The following PCSK2 variants were observed in gnomAD, a reference collection of about 807,000 sequenced individuals.
PCSK2 encodes neuroendocrine convertase 2.
PCSK2 carries 14 observed loss-of-function variants against 69.7 expected under a neutral mutation model. That is an observed-to-expected ratio of 0.20 (90% CI 0.13 to 0.31). The LOEUF (loss-of-function observed/expected upper bound fraction) is 0.31. Among genes scored for constraint, PCSK2 ranks in the 10% least tolerant of loss-of-function variants. The pLI is 1.00. For synonymous variants in PCSK2, 307 were observed against 320.7 expected, an observed-to-expected ratio of 0.96 and a Z score of 0.46; for missense variants, 544 against 842.5, an observed-to-expected ratio of 0.65 and a Z score of 4.39.
intron 2 of PCSK2, among the ~76,000 whole-genome samples, chr20:17,260,794 A>T (rs1451082963): frequency 6.6e-6 from 1 of 152,224 alleles, no homozygotes; most frequent in Non-Finnish European, 1.5e-5. Context: ...AGCAGCTCAC[A>T]GCAGGCAGTG....
chr20:17,270,311 G>A (rs1408297904), intron 2 of PCSK2, among the ~76,000 whole-genome samples: 1 of 152,030 alleles, frequency 6.6e-6, no homozygotes, highest in African/African-American at 2.4e-5. Context: ...TCTATAAACA[G>A]GTTTCACGGT....
intron 2 of PCSK2, among the ~76,000 whole-genome samples, chr20:17,324,791 G>A (rs943900996): frequency 6.6e-6 from 1 of 152,120 alleles, no homozygotes; most frequent in Non-Finnish European, 1.5e-5. Context: ...CATGGAGAAA[G>A]GTCTCTTCCC....
intron 6 of PCSK2, among the ~76,000 whole-genome samples, chr20:17,428,998 A>C: frequency 4.1e-5 from 1 of 24,304 alleles, no homozygotes; most frequent in African/African-American, 8.6e-5. Context: ...ACTCTGTCTC[A>C]AAAAAAAAAA....
intron 11 of PCSK2, among the ~76,000 whole-genome samples, chr20:17,480,548 C>T (rs6136111): frequency 0.12 from 19,009 of 152,168 alleles, 1,150 homozygotes; most frequent in East Asian, 0.15. Flanking sequence ...TTTATCAAAG[C>T]ACTTAGCACT....
chr20:17,280,893 G>T (rs191256628), intron 2 of PCSK2, among the ~76,000 whole-genome samples: 2 of 152,090 alleles, frequency 1.3e-5, no homozygotes, highest in Non-Finnish European at 2.9e-5. Flanking sequence ...CAGTTGTTCC[G>T]ATTTGCTTTT....
intron 10 of PCSK2, among the ~76,000 whole-genome samples, chr20:17,458,330 G>T (rs763359035): frequency 6.6e-6 from 1 of 152,098 alleles, no homozygotes; most frequent in Non-Finnish European, 1.5e-5. Flanking sequence ...CCAAGCAAAG[G>T]TTCAACTTCA....
At position 17,228,848 on chromosome 20, in the gene PCSK2, G is replaced by T. The variant is rs913689923; in HGVS notation, c.177+1366G>T. ...GACAGAGGTCTGGGAAGAGGCTCTG[G>T]GTCCGCCGGTGGCGCGCGGGCGGGT... On this transcript the variant is annotated intron_variant, in intron 1 of 11. Coordinates refer to ENST00000262545, the MANE Select transcript of PCSK2 (RefSeq NM_002594.5). Among the ~76,000 whole-genome samples the T allele has an allele frequency of 1.4e-4, 22 of 152,190 alleles. 1 individual carries two copies. The highest frequency in any genetic ancestry group is 1.4e-3 in the Admixed American group (22 of 15,290).
At chr20:17,324,436 T>C (rs187381645) in intron 2 of PCSK2, among the ~76,000 whole-genome samples, 5 of 152,272 alleles carry the variant, frequency 3.3e-5, no homozygotes, top group Non-Finnish European at 7.4e-5. Context: ...AAGTAGAATC[T>C]GGGTAACTAA....
At chr20:17,384,665 G>A (rs139758723) in intron 5 of PCSK2, among the ~76,000 whole-genome samples, 174 of 152,118 alleles carry the variant, frequency 1.1e-3, no homozygotes, top group African/African-American at 3.9e-3. Context: ...TGAACACAGC[G>A]GCCCATCCCT....
chr20:17,255,904 CA>C (rs1192651533), intron 1 of PCSK2, among the ~76,000 whole-genome samples: 1 of 152,072 alleles, frequency 6.6e-6, no homozygotes, highest in Non-Finnish European at 1.5e-5. Context: ...TGTAAGGGAT[CA>C]CAATCTGTAG....
intron 2 of PCSK2, among the ~76,000 whole-genome samples, chr20:17,345,158 C>G (rs1055104721): frequency 6.6e-6 from 1 of 152,064 alleles, no homozygotes; most frequent in Non-Finnish European, 1.5e-5. Context: ...GGTCAGTGTG[C>G]GTGTGCTCAG....
intron 2 of PCSK2, among the ~76,000 whole-genome samples, chr20:17,262,726 C>T (rs986875203): frequency 3.3e-5 from 5 of 152,050 alleles, no homozygotes; most frequent in Non-Finnish European, 7.4e-5. Flanking sequence ...TTTGGGGGTT[C>T]TCAAACACAT....
At chr20:17,296,278 A>G (rs1009982392) in intron 2 of PCSK2, among the ~76,000 whole-genome samples, 2 of 152,228 alleles carry the variant, frequency 1.3e-5, no homozygotes, top group South Asian at 2.1e-4. Context: ...AAAACTCCCA[A>G]CATCCCAGAA....
chr20:17,417,950 C>T (rs188526079), intron 6 of PCSK2, among the ~76,000 whole-genome samples: 10 of 152,126 alleles, frequency 6.6e-5, no homozygotes, highest in Admixed American at 2.6e-4. Context: ...AACTAGCATA[C>T]GGCATAAAAA....
chr20:17,403,544 C>T (rs1406284484), intron 5 of PCSK2, among the ~76,000 whole-genome samples: 2 of 152,192 alleles, frequency 1.3e-5, no homozygotes, highest in Non-Finnish European at 2.9e-5. Context: ...AATATGGTTG[C>T]AGTTTGAGAG....
chr20:17,418,868 C>T (rs1039334193), intron 6 of PCSK2, among the ~76,000 whole-genome samples: 2 of 152,208 alleles, frequency 1.3e-5, no homozygotes, highest in South Asian at 2.1e-4. Context: ...GGCTGACATG[C>T]TGAGCAGCGA....
chr20:17,265,906 C>T (rs1204362386), intron 2 of PCSK2, among the ~76,000 whole-genome samples: 2 of 152,178 alleles, frequency 1.3e-5, no homozygotes, highest in Non-Finnish European at 2.9e-5. Context: ...TGGGGCCACA[C>T]AGCTATAACT....
chr20:17,379,329 G>T (rs2031023126), intron 5 of PCSK2, among the ~76,000 whole-genome samples: 1 of 152,236 alleles, frequency 6.6e-6, no homozygotes, highest in Non-Finnish European at 1.5e-5. Context: ...TGGGATCATT[G>T]CCTGGGCAAA....
At chr20:17,237,889 G>C (rs952704011) in intron 1 of PCSK2, among the ~76,000 whole-genome samples, 1 of 152,128 alleles carries the variant, frequency 6.6e-6, no homozygotes, top group South Asian at 2.1e-4. Context: ...CTGCCTGAGG[G>C]GTGAGGAAGT....
Sources: gnomAD v4.1 joint callset for allele counts (sites outside exome capture counted in the v4.1 genomes callset) on GRCh38, gnomAD v4.1.1 for gene constraint, MANE v1.5 for transcripts, NCBI Gene and HGNC (gene_info 2026-07-23, HGNC 2026-07-21) for gene names.